Variants in HECW1 observed in about 807,000 individuals in gnomAD.
The protein encoded by HECW1 is HECT, C2 and WW domain containing E3 ubiquitin protein ligase 1, also known as E3 ubiquitin-protein ligase HECW1.
A neutral mutation model predicts 182.3 loss-of-function variants in HECW1; 61 were observed. The observed-to-expected ratio is 0.33, with a 90% CI of 0.27 to 0.41. The LOEUF (loss-of-function observed/expected upper bound fraction) is 0.41, where lower values mean the gene tolerates loss of function less well. Among genes scored for constraint, HECW1 ranks in the 10% least tolerant of loss-of-function variants. The pLI, the probability that HECW1 is intolerant of heterozygous loss-of-function variation, is 1.00. For synonymous variants in HECW1, 859 were observed against 832.6 expected (o/e 1.03, Z -0.55); for missense variants, 1,739 against 2,108.9 (o/e 0.82, Z 3.44).
intron 2 of HECW1, among the ~76,000 whole-genome samples, chr7:43,215,906 G>A (rs1003672549): frequency 1.3e-5 from 2 of 152,196 alleles, no homozygotes; most frequent in South Asian, 2.1e-4. Context: ...CTCCAAGGAC[G>A]TATAGGGCCA....
At chr7:43,361,815 C>CTCTTTT (rs1360544693) in intron 6 of HECW1, among the ~76,000 whole-genome samples, 2 of 77,982 alleles carry the variant, frequency 2.6e-5, no homozygotes, top group African/African-American at 1.1e-4. Flanking sequence ...AAGACTCTCT[C>CTCTTTT]TTTTTTTTTT....
intron 19 of HECW1, 85 bp downstream of exon 19, chr7:43,493,265 G>T: frequency 1.2e-6 from 1 of 819,526 alleles, no homozygotes; most frequent in Non-Finnish European, 2.0e-6. Context: ...GAGACAGAGC[G>T]GAAGCTTATT....
chr7:43,312,312 A>AGT (rs1391647097), intron 4 of HECW1, among the ~76,000 whole-genome samples: 2 of 152,234 alleles, frequency 1.3e-5, no homozygotes, highest in Non-Finnish European at 2.9e-5. Context: ...GATATAGCAG[A>AGT]GTCAGGTGTG....
Position 43,150,490 on chromosome 7 carries a change from T to C in HECW1, c.-32+36099T>C, listed in dbSNP as rs144629784. ...GCTTCCTGGGTTCAAGTGATTCTTA[T>C]GCCTCAGCCTCCTGAGTAGCTGGGA... On this transcript the variant is annotated intron_variant, in intron 2 of 29. Transcript: ENST00000395891. 3.9e-5 allele frequency among the ~76,000 whole-genome samples: 6 copies of C among 152,314 alleles called. No homozygotes were observed. The East Asian group carries it at 1.2e-3, about 29-fold the overall frequency.
chr7:43,308,475 AAGG>A (rs950382960), intron 3 of HECW1, among the ~76,000 whole-genome samples: 112 of 150,122 alleles, frequency 7.5e-4, no homozygotes, highest in African/African-American at 2.6e-3. Context: ...TAAAAATAAA[AAGG>A]AGCAACTGTT....
chr7:43,211,739 G>A (rs1487902390), intron 2 of HECW1, among the ~76,000 whole-genome samples: 1 of 152,130 alleles, frequency 6.6e-6, no homozygotes, highest in Non-Finnish European at 1.5e-5. Flanking sequence ...AAAACTTTGA[G>A]GATATTGAAC....
intron 8 of HECW1, among the ~76,000 whole-genome samples, chr7:43,417,609 T>C (rs1255521622): frequency 6.6e-6 from 1 of 152,086 alleles, no homozygotes; most frequent in Non-Finnish European, 1.5e-5. Context: ...ACACCTACAA[T>C]CCCAGCTACT....
intron 24 of HECW1, among the ~76,000 whole-genome samples, chr7:43,517,203 G>A (rs1400683081): frequency 6.6e-6 from 1 of 152,178 alleles, no homozygotes; most frequent in Admixed American, 6.5e-5. Flanking sequence ...AAATGTCTGT[G>A]AGCTCATTTA....
At chr7:43,402,891 A>G (rs2152841952) in intron 7 of HECW1, among the ~76,000 whole-genome samples, 1 of 152,364 alleles carries the variant, frequency 6.6e-6, no homozygotes, top group East Asian at 1.9e-4. Flanking sequence ...AATGAAGTGC[A>G]CTTTTAGCAT....
intron 8 of HECW1, among the ~76,000 whole-genome samples, chr7:43,425,303 A>ATGAT (rs1166751882): frequency 3.8e-5 from 4 of 104,774 alleles, no homozygotes; most frequent in Non-Finnish European, 5.5e-5. Context: ...AGATAGATAG[A>ATGAT]TGATAGATAG....
intron 2 of HECW1, among the ~76,000 whole-genome samples, chr7:43,157,254 T>C (rs181622869): frequency 7.2e-5 from 11 of 152,288 alleles, no homozygotes; most frequent in Admixed American, 7.2e-4. Context: ...TTTAGGAAAC[T>C]CCAGAGTTTT....
intron 5 of HECW1, among the ~76,000 whole-genome samples, chr7:43,340,135 C>T (rs190762814): frequency 1.3e-5 from 2 of 152,096 alleles, no homozygotes; most frequent in East Asian, 3.9e-4. Context: ...GTTTTAAAAT[C>T]AGCTTACTTA....
intron 2 of HECW1, among the ~76,000 whole-genome samples, chr7:43,211,017 C>A (rs999071482): frequency 9.9e-5 from 15 of 152,218 alleles, no homozygotes; most frequent in African/African-American, 3.6e-4. Context: ...GTTTGTATCC[C>A]GGTCATTGTA....
chr7:43,357,934 A>G (rs1024784828), intron 5 of HECW1, among the ~76,000 whole-genome samples: 2 of 152,246 alleles, frequency 1.3e-5, no homozygotes, highest in African/African-American at 2.4e-5. Flanking sequence ...AGAAGAGTAC[A>G]GAGTTTGAAG....
chr7:43,268,404 C>A (rs990198028), intron 3 of HECW1, among the ~76,000 whole-genome samples: 1 of 152,212 alleles, frequency 6.6e-6, no homozygotes, highest in Non-Finnish European at 1.5e-5. Context: ...CCCTGTGAAA[C>A]CTTTAACCCA....
At chr7:43,214,140 A>G (rs1796243646) in intron 2 of HECW1, among the ~76,000 whole-genome samples, 1 of 151,750 alleles carries the variant, frequency 6.6e-6, no homozygotes, top group Non-Finnish European at 1.5e-5. Flanking sequence ...GTATTTCTAT[A>G]GTTTTTCTAG....
chr7:43,449,478 A>G (rs2077163975), intron 11 of HECW1, among the ~76,000 whole-genome samples: 1 of 152,376 alleles, frequency 6.6e-6, no homozygotes, highest in East Asian at 1.9e-4. Context: ...TAGGAATTAA[A>G]TCACAAAATT....
intron 2 of HECW1, among the ~76,000 whole-genome samples, chr7:43,195,630 C>A (rs1170556434): frequency 6.6e-6 from 1 of 152,172 alleles, no homozygotes; most frequent in Non-Finnish European, 1.5e-5. Context: ...TGGACTCAAG[C>A]CGATGTCCAG....
intron 2 of HECW1, among the ~76,000 whole-genome samples, chr7:43,189,365 G>A (rs7790786): frequency 0.24 from 36,572 of 151,940 alleles, 4,577 homozygotes; most frequent in Middle Eastern, 0.27. Context: ...GCTCTCAGGC[G>A]ATAGGGACAT....
Sources: gnomAD v4.1 joint callset for allele counts (sites outside exome capture counted in the v4.1 genomes callset) on GRCh38, gnomAD v4.1.1 for gene constraint, MANE v1.5 for transcripts, NCBI Gene and HGNC (gene_info 2026-07-23, HGNC 2026-07-21) for gene names.